Variants in ENTREP2 observed in about 807,000 individuals in gnomAD.
The protein encoded by ENTREP2 is endosomal transmembrane epsin interactor 2, also known as protein ENTREP2.
the ENTREP2 span, among the ~76,000 whole-genome samples, chr15:29,555,658 C>G: frequency 6.6e-6 from 1 of 152,204 alleles, no homozygotes; most frequent in African/African-American, 2.4e-5. Context: ...GATCCCCCAC[C>G]TGCGCCAGGC....
chr15:29,228,313 C>T, the ENTREP2 span, among the ~76,000 whole-genome samples: 4 of 144,380 alleles, frequency 2.8e-5, no homozygotes, highest in Non-Finnish European at 4.6e-5. Context: ...AGCAAGACTC[C>T]GTCTCAAACA....
At chr15:29,246,709 A>T in the ENTREP2 span, among the ~76,000 whole-genome samples, 1 of 152,152 alleles carries the variant, frequency 6.6e-6, no homozygotes, top group African/African-American at 2.4e-5. Flanking sequence ...ATCTCAAAAA[A>T]AAAAAATTAT....
At chr15:29,525,100 C>T in the ENTREP2 span, among the ~76,000 whole-genome samples, 1 of 152,220 alleles carries the variant, frequency 6.6e-6, no homozygotes, top group Non-Finnish European at 1.5e-5. Flanking sequence ...CCTTTCCCAG[C>T]TAGGCTTAGG....
chr15:29,414,896 T>C, the ENTREP2 span, among the ~76,000 whole-genome samples: 3 of 152,112 alleles, frequency 2.0e-5, no homozygotes, highest in Non-Finnish European at 4.4e-5. Flanking sequence ...CTAGAAAATC[T>C]AGAAGAAATG....
the ENTREP2 span, among the ~76,000 whole-genome samples, chr15:29,674,475 G>A: frequency 6.6e-6 from 1 of 152,040 alleles, no homozygotes; most frequent in Admixed American, 6.5e-5. Flanking sequence ...TCACCATGTT[G>A]GCCAGGATGT....
the ENTREP2 span, among the ~76,000 whole-genome samples, chr15:29,230,217 C>T: frequency 2.6e-3 from 397 of 152,252 alleles, 15 homozygotes; most frequent in East Asian, 0.064. Flanking sequence ...TAGCAATGGC[C>T]TCTTAGATGT....
At chr15:29,180,319 A>G in the ENTREP2 span, among the ~76,000 whole-genome samples, 4 of 152,234 alleles carry the variant, frequency 2.6e-5, no homozygotes, top group South Asian at 2.1e-4. Flanking sequence ...ACTTGTTATT[A>G]GACACATTGT....
the ENTREP2 span, among the ~76,000 whole-genome samples, chr15:29,521,284 G>A: frequency 4.3e-3 from 662 of 152,288 alleles, no homozygotes; most frequent in Middle Eastern, 6.8e-3. Context: ...TTCTAAAACT[G>A]ACAAACTAAT....
At chr15:29,469,779 T>A in the ENTREP2 span, among the ~76,000 whole-genome samples, 2 of 39,830 alleles carry the variant, frequency 5.0e-5, no homozygotes. Context: ...AATAAATTAA[T>A]TTTTTTTAAA....
chr15:29,212,772 T>G, the ENTREP2 span, among the ~76,000 whole-genome samples: 4 of 152,228 alleles, frequency 2.6e-5, no homozygotes, highest in Admixed American at 1.3e-4. Context: ...CAAGTTATTC[T>G]GTGCAGAAGC....
the ENTREP2 span, among the ~76,000 whole-genome samples, chr15:29,490,672 G>A: frequency 2.0e-5 from 3 of 152,138 alleles, no homozygotes; most frequent in Non-Finnish European, 4.4e-5. Flanking sequence ...CACTAGATTA[G>A]CTAGACACAG....
At chr15:29,433,913 A>C in the ENTREP2 span, among the ~76,000 whole-genome samples, 1 of 152,114 alleles carries the variant, frequency 6.6e-6, no homozygotes, top group Non-Finnish European at 1.5e-5. Context: ...CTACACCACC[A>C]ACCCTGTTAC....
chr15:29,360,052 G>A, the ENTREP2 span, among the ~76,000 whole-genome samples: 1 of 152,306 alleles, frequency 6.6e-6, no homozygotes, highest in African/African-American at 2.4e-5. Context: ...TACGTAGAGA[G>A]AGTTCCTCAG....
At chr15:29,554,294 G>A in the ENTREP2 span, among the ~76,000 whole-genome samples, 6 of 148,270 alleles carry the variant, frequency 4.0e-5, no homozygotes, top group Admixed American at 1.4e-4. Flanking sequence ...CAGCCTGGGC[G>A]ACAGAGCGAG....
chr15:29,570,712 G>C, the ENTREP2 span: 2 of 1,078,546 alleles, frequency 1.9e-6, no homozygotes, highest in Non-Finnish European at 1.1e-6. Flanking sequence ...GGGGGCCGCC[G>C]GCCGGAGGCA....
the ENTREP2 span, among the ~76,000 whole-genome samples, chr15:29,186,642 C>T: frequency 6.6e-6 from 1 of 152,170 alleles, no homozygotes; most frequent in African/African-American, 2.4e-5. Context: ...AAATTACCAC[C>T]GGCACCATAG....
At chr15:29,181,816 T>C in the ENTREP2 span, among the ~76,000 whole-genome samples, 1 of 152,306 alleles carries the variant, frequency 6.6e-6, no homozygotes, top group Admixed American at 6.5e-5. Context: ...GGTAACAAAA[T>C]GGGATTCCCT....
the ENTREP2 span, among the ~76,000 whole-genome samples, chr15:29,631,949 G>T: frequency 1.3e-5 from 2 of 152,286 alleles, no homozygotes; most frequent in Admixed American, 6.5e-5. Flanking sequence ...TCTCCTTTGA[G>T]ACTTCACTGC....
the ENTREP2 span, chr15:29,269,015 G>C: frequency 6.2e-7 from 1 of 1,614,122 alleles, no homozygotes; most frequent in Non-Finnish European, 8.5e-7. Flanking sequence ...TCCAGGTAAC[G>C]CTGTCGCACA....
Sources: gnomAD v4.1 joint callset for allele counts (sites outside exome capture counted in the v4.1 genomes callset) on GRCh38, gnomAD v4.1.1 for gene constraint, MANE v1.5 for transcripts, NCBI Gene and HGNC (gene_info 2026-07-23, HGNC 2026-07-21) for gene names.